The following ZNF250 variants were observed in gnomAD, a reference collection of about 807,000 sequenced individuals.
ZNF250 encodes the protein zinc finger protein 250.
Under a neutral mutation model 37.1 loss-of-function variants are expected in ZNF250, and 13 were observed. The ratio of observed to expected loss-of-function variants is 0.35; its 90% CI spans 0.23 to 0.56. The LOEUF is 0.56. ZNF250 is among the 20% of genes least tolerant of loss of function. The pLI, the probability that ZNF250 is intolerant of heterozygous loss-of-function variation, is 0.87. For synonymous variants in ZNF250, 251 were observed against 265.6 expected (o/e 0.94, Z 0.54); for missense variants, 474 against 697.9 (o/e 0.68, Z 3.61).
At position 144,891,166 on chromosome 8, in the gene ZNF250, T is replaced by C. The variant is rs1437748526; in HGVS notation, c.-54-763A>G. On this transcript the variant is annotated intron_variant, in intron 1 of 5. Transcript: ENST00000417550. The surrounding 1 kb of genome is among the most constrained non-coding windows in gnomAD (Gnocchi z 4.0). ...GCGGGGCAAGAGCTTTCCTGACACA[T>C]TTGGTCCTGTACAGGATAGGGTTCG... 6.6e-6 allele frequency among the ~76,000 whole-genome samples: 1 copy of C among 151,956 alleles called. No homozygotes were observed. Among genetic ancestry groups the C allele is most frequent in the Admixed American group, 6.6e-5 (1 of 15,260 alleles).
In ZNF250 at chr8:144,881,360, A is replaced by G; in HGVS notation, c.*155T>C. 1 of 1,147,374 alleles carries G rather than the reference A, an allele frequency of 8.7e-7. No homozygotes were observed. The highest frequency in any genetic ancestry group is 2.0e-5 in the South Asian group (1 of 50,160). The allele number at this position is 1,147,374 out of a possible 1,614,324, so 71.1% of individuals were successfully genotyped here. A position where few individuals can be genotyped will look rare whatever the true frequency, so the allele number is the denominator to read the frequency against. On this transcript the variant is annotated 3_prime_UTR_variant, in exon 6 of 6. Transcript: ENST00000417550. ...GTCTCTGAAGTTTTTCCACAGGAAC[A>G]GCACGCTAAGTGCTTCTTTCTGGAG...
Position 144,878,526 on chromosome 8 carries a change from T to A in ZNF250, c.*2989A>T, listed in dbSNP as rs1479960050. The A allele has an allele frequency of 1.3e-5, 2 of 152,118 alleles. No homozygotes were observed. The highest frequency in any genetic ancestry group is 1.3e-4 in the Admixed American group (2 of 15,268). 9.4% of individuals were successfully genotyped at this position (152,118 alleles called of 1,614,324 possible). Reference sequence around the variant, plus strand: ...TTCTAACACCTGAGGGACACCATCTTGGTCCTGAATAATACCTCAGTAACC... The same window carrying A: ...TTCTAACACCTGAGGGACACCATCTAGGTCCTGAATAATACCTCAGTAACC... On this transcript the variant is annotated 3_prime_UTR_variant, in exon 6 of 6. Transcript: ENST00000417550.
rs1563871270 is a variant in ZNF250, at chr8:144,879,774, CT to C, written c.*1740del. The C allele has an allele frequency of 6.6e-6, 1 of 152,302 alleles. No homozygotes were observed. Among genetic ancestry groups the C allele is most frequent in the East Asian group, 1.9e-4 (1 of 5,196 alleles). The allele number at this position is 152,302 out of a possible 1,614,324, so 9.4% of individuals were successfully genotyped here. A position where few individuals can be genotyped will look rare whatever the true frequency, so the allele number is the denominator to read the frequency against. On this transcript the variant is annotated 3_prime_UTR_variant, in exon 6 of 6. Transcript: ENST00000417550. ...AATGGTTCTGATTCGGTTTCAAGAA[CT>C]GTATCCTTGGCCGGGTGCGGTGGCA... is the stretch of plus-strand genomic sequence containing the variant.
At chr8:144,896,008 CAAAA>C (rs1183288137) in intron 1 of ZNF250, among the ~76,000 whole-genome samples, 3 of 64,908 alleles carry the variant, frequency 4.6e-5, no homozygotes. Context: ...GACTCTGTCT[CAAAA>C]AAAAAAAAAA....
intron 1 of ZNF250, among the ~76,000 whole-genome samples, chr8:144,899,240 G>C (rs1421339858): frequency 2.0e-5 from 3 of 152,076 alleles, no homozygotes; most frequent in African/African-American, 7.2e-5. Context: ...TGGGGTTGGG[G>C]GGAGGTATGA....
At chr8:144,901,816 G>A, upstream of ZNF250, 1 of 152,798 alleles carries the variant, frequency 6.5e-6, no homozygotes, top group Non-Finnish European at 1.5e-5. This position sits in a 1 kb window ranked among gnomAD's most constrained non-coding sequence, Gnocchi z 5.4. Flanking sequence ...TGCCGGCCCC[G>A]CAGTCCCTCC....
In ZNF250 at chr8:144,877,390, A is replaced by G. The variant is rs1563866855; in HGVS notation, c.*4125T>C. 1 of 152,266 alleles carries G rather than the reference A, an allele frequency of 6.6e-6. No homozygotes were observed. The highest frequency in any genetic ancestry group is 1.5e-5 in the Non-Finnish European group (1 of 68,054). 9.4% of individuals were successfully genotyped at this position (152,266 alleles called of 1,614,324 possible). Reference sequence around the variant, plus strand: ...CACCCAGCCAAAGAGAAGTATTTAAATACCTAAAATATACAGACTTCTGAA... The same window carrying G: ...CACCCAGCCAAAGAGAAGTATTTAAGTACCTAAAATATACAGACTTCTGAA... On this transcript the variant is annotated 3_prime_UTR_variant, in exon 6 of 6. Transcript: ENST00000417550.
intron 1 of ZNF250, among the ~76,000 whole-genome samples, chr8:144,899,430 C>T (rs1388991398): frequency 2.0e-5 from 3 of 152,106 alleles, no homozygotes; most frequent in Non-Finnish European, 4.4e-5. Flanking sequence ...TGACAGACAT[C>T]CTAATTACCC....
chr8:144,898,082 C>A (rs1832840082), intron 1 of ZNF250, among the ~76,000 whole-genome samples: 1 of 152,134 alleles, frequency 6.6e-6, no homozygotes, highest in Non-Finnish European at 1.5e-5. Context: ...CTGATCCCAA[C>A]AGTCAGGAGT....
rs1431349202 is a variant in ZNF250 at position 144,880,406 on chromosome 8, C to T, written c.*1109G>A. 4 of 456,612 alleles carry T rather than the reference C, an allele frequency of 8.8e-6. No individual in the cohort carries two copies. The highest frequency in any genetic ancestry group is 2.0e-5 in the African/African-American group (1 of 50,054). 28.3% of individuals were successfully genotyped at this position (456,612 alleles called of 1,614,324 possible). ...GAGGTCTGCTGAGTGTGAAGCTCCCCTCCTTTGCCTGCATGGGAATTGAGA... is the reference window on the plus strand; with the variant it reads ...GAGGTCTGCTGAGTGTGAAGCTCCCTTCCTTTGCCTGCATGGGAATTGAGA... On this transcript the variant is annotated 3_prime_UTR_variant, in exon 6 of 6. Transcript: ENST00000417550.
In ZNF250 at chr8:144,879,144, C is replaced by T. The variant is rs765522509; in HGVS notation, c.*2371G>A. 4.6e-5 allele frequency: 7 copies of T among 152,234 alleles called. No individual in the cohort carries two copies. Among genetic ancestry groups the T allele is most frequent in the Non-Finnish European group, 1.0e-4 (7 of 68,044 alleles). The allele number at this position is 152,234 out of a possible 1,614,324, so 9.4% of individuals were successfully genotyped here. On this transcript the variant is annotated 3_prime_UTR_variant, in exon 6 of 6. Transcript: ENST00000417550. ...AATGGCAACACCTCTAAGGTTAACA[C>T]CTTGGTTATCTGAGCTATCTGAGGT...
In ZNF250 at chr8:144,881,645, T is replaced by C. The variant is rs1270245417; in HGVS notation, c.1538A>G (p.Gln513Arg). Reference protein sequence around the residue: ...ECNSCGKAFSQYSVLIQHQRI... With the variant: ...ECNSCGKAFSRYSVLIQHQRI... The stretch of plus-strand genomic sequence containing the variant: ...CTGGTGCTGGATGAGCACTGAGTAC[T>C]GGCTGAAGGCCTTCCCGCAGCTATT... The change falls in exon 6 of 6, where the codon CAG becomes CGG. Residue 513 changes from glutamine to arginine, a missense_variant. Gln to Arg is a conservative substitution (Grantham distance 43, BLOSUM62 1). Around this residue, in one of 2 missense-constraint regions of ZNF250, gnomAD observed 282 missense variants for 470.4 expected, o/e 0.60. Coordinates refer to ENST00000417550, the MANE Select transcript of ZNF250 (RefSeq NM_001109689.4). The C allele has an allele frequency of 6.2e-7, 1 of 1,613,844 alleles. No individual in the cohort carries two copies. The highest frequency in any genetic ancestry group is 2.2e-5 in the East Asian group (1 of 44,876).
At position 144,882,954 on chromosome 8, in the gene ZNF250, T is replaced by G; in HGVS notation, c.347-118A>C. The stretch of plus-strand genomic sequence containing the variant: ...AAATCCCTCAATGCACACGTTGGTG[T>G]GAGCTACAGAAGAACAGAACCACCA... On this transcript the variant is annotated intron_variant, in intron 5 of 5. Transcript: ENST00000417550. The surrounding 1 kb of genome is among the most constrained non-coding windows in gnomAD (Gnocchi z 5.5). The G allele has an allele frequency of 2.5e-5, 28 of 1,112,070 alleles. No homozygotes were observed. The highest frequency in any genetic ancestry group is 3.2e-5 in the Non-Finnish European group (25 of 770,950). 68.9% of individuals were successfully genotyped at this position (1,112,070 alleles called of 1,614,324 possible).
At chr8:144,898,745 G>C (rs1832890458) in intron 1 of ZNF250, among the ~76,000 whole-genome samples, 1 of 152,104 alleles carries the variant, frequency 6.6e-6, no homozygotes, top group African/African-American at 2.4e-5. Context: ...TCAATAGAAA[G>C]AGACAACTAA....
Position 144,878,709 on chromosome 8 carries a change from C to T in ZNF250, c.*2806G>A, listed in dbSNP as rs1831269536. 3 of 152,130 alleles carry T rather than the reference C, an allele frequency of 2.0e-5. No individual in the cohort carries two copies. Among genetic ancestry groups the T allele is most frequent in the African/African-American group, 7.2e-5 (3 of 41,426 alleles). 9.4% of individuals were successfully genotyped at this position (152,130 alleles called of 1,614,324 possible). ...TTTATGAAATAGCACTCAGTGACCT[C>T]CATTCTTCTAGAGTTTCACATTAGT... On this transcript the variant is annotated 3_prime_UTR_variant, in exon 6 of 6. Transcript: ENST00000417550.
chr8:144,891,143 G>A lies in ZNF250; in HGVS notation c.-54-740C>T, dbSNP rs762540019. 3.9e-5 allele frequency among the ~76,000 whole-genome samples: 6 copies of A among 152,104 alleles called. No homozygotes were observed. Among genetic ancestry groups the A allele is most frequent in the African/African-American group, 1.2e-4 (5 of 41,408 alleles). On this transcript the variant is annotated intron_variant, in intron 1 of 5. Coordinates refer to ENST00000417550, the MANE Select transcript of ZNF250 (RefSeq NM_001109689.4). This position sits in a 1 kb window ranked among gnomAD's most constrained non-coding sequence, Gnocchi z 4.0. ...CAAACAGCTGGGAAAAAGGGGGAGC[G>A]GGGCAAGAGCTTTCCTGACACATTT...
rs78803998 is a variant in ZNF250 at position 144,894,264 on chromosome 8, G to A, written c.-54-3861C>T. Among the ~76,000 whole-genome samples, 639 of 152,006 alleles carry A rather than the reference G, an allele frequency of 4.2e-3. 3 individuals carry two copies. Among genetic ancestry groups the A allele is most frequent in the African/African-American group, 0.014 (600 of 41,450 alleles). ...CCATGACAACCACCCCTAGATGTTC[G>A]GCAGCTCCCATCTGGGCAGACAGAC... is the stretch of plus-strand genomic sequence containing the variant. On this transcript the variant is annotated intron_variant, in intron 1 of 5. Transcript: ENST00000417550.
intron 1 of ZNF250, among the ~76,000 whole-genome samples, chr8:144,892,854 A>C (rs1832440662): frequency 8.2e-6 from 1 of 122,242 alleles, no homozygotes; most frequent in Non-Finnish European, 1.7e-5. Flanking sequence ...CACCGTGTCC[A>C]GCCACCAATT....
At chr8:144,886,798 TCA>T in intron 5 of ZNF250, 40 bp downstream of exon 5, 1 of 1,579,158 alleles carries the variant, frequency 6.3e-7, no homozygotes, top group Non-Finnish European at 8.7e-7. Context: ...GTTAACACCT[TCA>T]GAGATTGTAC....
Sources: gnomAD v4.1 joint callset for allele counts (sites outside exome capture counted in the v4.1 genomes callset) on GRCh38, gnomAD v4.1.1 for gene constraint, gnomAD v4.1.1 regional missense constraint, Gnocchi (gnomAD v3.1) non-coding constraint, MANE v1.5 for transcripts, NCBI Gene and HGNC (gene_info 2026-07-23, HGNC 2026-07-21) for gene names.